KIF21A: variants seen among roughly 807,000 people sequenced by gnomAD.
KIF21A encodes kinesin family member 21A.
Under a neutral mutation model 202.9 loss-of-function variants are expected in KIF21A, and 114 were observed. The observed-to-expected ratio is 0.56, with a 90% CI of 0.48 to 0.66. KIF21A has a LOEUF of 0.66. Ranked by LOEUF, KIF21A falls within the 30% of genes least tolerant of loss-of-function variation. KIF21A has a pLI of 0.00. For synonymous variants in KIF21A, 667 were observed against 670.8 expected, an observed-to-expected ratio of 0.99 and a Z score of 0.09; for missense variants, 1,677 against 1,994.9, an observed-to-expected ratio of 0.84 and a Z score of 3.04.
intron 3 of KIF21A, among the ~76,000 whole-genome samples, chr12:39,368,701 T>G (rs1462756109): frequency 6.6e-6 from 1 of 152,088 alleles, no homozygotes; most frequent in Non-Finnish European, 1.5e-5. Flanking sequence ...TTCTCTTTGG[T>G]TTTTACTAAA....
Position 39,436,448 on chromosome 12 carries a change from A to ATATATATT in KIF21A, c.44+6478_44+6479insAATATATA, listed in dbSNP as rs1387332677. Among the ~76,000 whole-genome samples, 37 of 95,762 alleles carry ATATATATT rather than the reference A, an allele frequency of 3.9e-4. 1 individual carries two copies. Among genetic ancestry groups the ATATATATT allele is most frequent in the Middle Eastern group, 5.0e-3 (1 of 200 alleles). 62.8% of individuals were successfully genotyped at this position (95,762 alleles called of 152,430 possible). ...TATATATATATATATATATATATAT[A>ATATATATT]TTTTTTTTTTTTTTAGACAGGGTTT... On this transcript the variant is annotated intron_variant, in intron 1 of 37. Transcript: ENST00000361418.
At chr12:39,300,089 C>T (rs1340884276) in intron 37 of KIF21A, among the ~76,000 whole-genome samples, 1 of 151,948 alleles carries the variant, frequency 6.6e-6, no homozygotes, top group Non-Finnish European at 1.5e-5. Flanking sequence ...AGCACATGTA[C>T]CCCTGAACCT....
At chr12:39,439,678 T>G (rs984500718) in intron 1 of KIF21A, among the ~76,000 whole-genome samples, 4 of 152,192 alleles carry the variant, frequency 2.6e-5, no homozygotes, top group African/African-American at 7.2e-5. Context: ...ATTCAAGCGC[T>G]TAATAGCCAC....
chr12:39,438,085 T>G (rs959796201), intron 1 of KIF21A, among the ~76,000 whole-genome samples: 7 of 152,148 alleles, frequency 4.6e-5, no homozygotes, highest in African/African-American at 1.7e-4. Context: ...TGTTACTTAG[T>G]GGTGAATAAA....
At chr12:39,359,661 A>G (rs1278952844) in intron 7 of KIF21A, among the ~76,000 whole-genome samples, 2 of 152,198 alleles carry the variant, frequency 1.3e-5, no homozygotes, top group African/African-American at 2.4e-5. Context: ...TAGAGAATAG[A>G]GCAACTTGAA....
chr12:39,293,639 A>G lies in KIF21A; in HGVS notation c.*785T>C, dbSNP rs1942040347. ...TAAATAAAAACAAAATTAAATGGTCATAATAGAAACAACTCCATAGGAAAA... is the reference window on the plus strand; with the variant it reads ...TAAATAAAAACAAAATTAAATGGTCGTAATAGAAACAACTCCATAGGAAAA... On this transcript the variant is annotated 3_prime_UTR_variant, in exon 38 of 38. Coordinates refer to ENST00000361418, the MANE Select transcript of KIF21A (RefSeq NM_001173464.2). 1 of 152,548 alleles carries G rather than the reference A, an allele frequency of 6.6e-6. No individual in the cohort carries two copies. The highest frequency in any genetic ancestry group is 1.5e-5 in the Non-Finnish European group (1 of 68,024). The allele number at this position is 152,548 out of a possible 1,614,324, so 9.4% of individuals were successfully genotyped here.
intron 7 of KIF21A, among the ~76,000 whole-genome samples, chr12:39,362,675 A>G (rs1455209381): frequency 6.6e-6 from 1 of 152,174 alleles, no homozygotes; most frequent in Non-Finnish European, 1.5e-5. Context: ...TAAAAAAAAA[A>G]GTACCAATAA....
At position 39,329,256 on chromosome 12, in the gene KIF21A, C is replaced by T. The variant is rs371050857; in HGVS notation, c.3340+986G>A. 4.2e-4 allele frequency among the ~76,000 whole-genome samples: 64 copies of T among 152,314 alleles called. 1 individual carries two copies. The East Asian group carries it at 0.01, about 24-fold the overall frequency. ...TACATTAGCTGAATGAGTTCCTACT[C>T]TCTGCTTCTGACCCTTCAAGCTATA... On this transcript the variant is annotated intron_variant, in intron 24 of 37. Transcript: ENST00000361418.
chr12:39,382,930 C>T (rs1950707557), intron 1 of KIF21A, among the ~76,000 whole-genome samples: 2 of 152,142 alleles, frequency 1.3e-5, no homozygotes, highest in Admixed American at 1.3e-4. Context: ...ATCCATGGAG[C>T]GTTACATTAC....
At chr12:39,416,659 G>GTATATATATGTGTA (rs1953657729) in intron 1 of KIF21A, among the ~76,000 whole-genome samples, 2 of 111,052 alleles carry the variant, frequency 1.8e-5, no homozygotes, top group African/African-American at 7.0e-5. Flanking sequence ...ATATATATGT[G>GTATATATATGTGTA]TATATATATA....
At chr12:39,436,448 A>ATATTTTTTTT (rs1387332677) in intron 1 of KIF21A, among the ~76,000 whole-genome samples, 1 of 95,764 alleles carries the variant, frequency 1.0e-5, no homozygotes, top group Non-Finnish European at 2.0e-5. Context: ...ATATATATAT[A>ATATTTTTTTT]TTTTTTTTTT....
rs1468646316 is a variant in KIF21A, at chr12:39,358,515, T to C, written c.1020-142A>G. On this transcript the variant is annotated intron_variant, in intron 7 of 37. Transcript: ENST00000361418. ...GAGCAAATTTAAAAGCCCCTGTACT[T>C]GAAGACTATCTTAAGAAAAAGCTTT... 7 of 729,940 alleles carry C rather than the reference T, an allele frequency of 9.6e-6. No individual in the cohort carries two copies. In the Admixed American group the frequency reaches 1.5e-4, roughly 15 times the overall value. The allele number at this position is 729,940 out of a possible 1,614,324, so 45.2% of individuals were successfully genotyped here.
At chr12:39,322,538 C>G in intron 27 of KIF21A, 130 bp downstream of exon 27, 2 of 697,040 alleles carry the variant, frequency 2.9e-6, no homozygotes, top group Middle Eastern at 4.0e-4. Context: ...CAACACCTAG[C>G]AAATTATTTC....
At chr12:39,400,675 T>C (rs2139843666) in intron 1 of KIF21A, among the ~76,000 whole-genome samples, 1 of 152,346 alleles carries the variant, frequency 6.6e-6, no homozygotes, top group South Asian at 2.1e-4. Flanking sequence ...GGTCTTTAAC[T>C]GCTGCTACTT....
intron 1 of KIF21A, among the ~76,000 whole-genome samples, chr12:39,416,687 GTATATATATA>G (rs34970852): frequency 2.3e-5 from 2 of 86,638 alleles, no homozygotes; most frequent in Non-Finnish European, 4.1e-5. Flanking sequence ...ATATATGTGT[GTATATATATA>G]TGTACATATA....
intron 37 of KIF21A, among the ~76,000 whole-genome samples, chr12:39,295,759 C>T (rs1356980128): frequency 7.9e-6 from 1 of 126,842 alleles, no homozygotes; most frequent in Non-Finnish European, 1.6e-5. Context: ...AATGCAGTGG[C>T]GCGATCTCGG....
intron 13 of KIF21A, 24 bp from the exon 14 acceptor site, chr12:39,341,646 A>T (rs1455717253): frequency 6.3e-7 from 1 of 1,579,158 alleles, no homozygotes; most frequent in Non-Finnish European, 8.6e-7. Flanking sequence ...TGTAAAAATT[A>T]ATAGCACAAT....
rs58946919 is a variant in KIF21A, at chr12:39,322,402, A to C, written c.3671+266T>G. 4.2e-3 allele frequency: 1,306 copies of C among 312,730 alleles called. 42 individuals are homozygous for C. In the East Asian group the frequency reaches 0.074, roughly 18 times the overall value. 19.4% of individuals were successfully genotyped at this position (312,730 alleles called of 1,614,324 possible). On this transcript the variant is annotated intron_variant, in intron 27 of 37. Coordinates refer to ENST00000361418, the MANE Select transcript of KIF21A (RefSeq NM_001173464.2). ...TCTATATATGTATTTTCTGTAATTC[A>C]TAAGTCAGCCTTTATAAAAATTATA...
chr12:39,298,925 A>C (rs546801248), intron 37 of KIF21A, among the ~76,000 whole-genome samples: 121 of 152,322 alleles, frequency 7.9e-4, no homozygotes, highest in African/African-American at 2.8e-3. Context: ...TATTCTAAGG[A>C]CTAAATGAGT....
Sources: allele counts gnomAD v4.1 joint callset (sites outside exome capture counted in the v4.1 genomes callset), GRCh38; gene constraint gnomAD v4.1.1; transcripts MANE v1.5; gene names NCBI Gene and HGNC (gene_info 2026-07-23, HGNC 2026-07-21).